APPL2: variants seen among roughly 807,000 people sequenced by gnomAD.
APPL2 encodes the protein adaptor protein, phosphotyrosine interacting with PH domain and leucine zipper 2, also known as DCC-interacting protein 13-beta.
Under a neutral mutation model 92.7 loss-of-function variants are expected in APPL2, and 84 were observed. That is an observed-to-expected ratio of 0.91 (90% CI 0.76 to 1.09). APPL2 has a LOEUF of 1.09. APPL2 is among the 50% of genes least tolerant of loss of function. APPL2 has a pLI of 0.00. For missense variants in APPL2, 736 were observed against 824.5 expected, an observed-to-expected ratio of 0.89 and a Z score of 1.31; for synonymous variants, 291 against 291.0, an observed-to-expected ratio of 1.00 and a Z score of 0.00.
rs1190156569 is a variant in APPL2, at chr12:105,207,971, C to T, written c.474G>A (p.Lys158=). The T allele has an allele frequency of 6.2e-7, 1 of 1,612,134 alleles. No homozygotes were observed. The highest frequency in any genetic ancestry group is 8.5e-7 in the Non-Finnish European group (1 of 1,178,226). The change falls in exon 7 of 21, where the codon AAG becomes AAA. Residue 158 remains lysine (K), a splice_region_variant and synonymous_variant. Transcript: ENST00000258530. The part of the protein sequence containing the change: ...SRLPKKKENE[K]VKTEVGKEVA... ...AAAACAACATGTAAAGTATTCTTAC[C>T]TTCTCATTCTCCTTTTTCTTAGGCA...
In APPL2 at chr12:105,217,255, C is replaced by T. The variant is rs570905659; in HGVS notation, c.214-115G>A. 16 of 659,640 alleles carry T rather than the reference C, an allele frequency of 2.4e-5. 1 individual carries two copies. The South Asian group carries it at 2.5e-4, about 10-fold the overall frequency. 40.9% of individuals were successfully genotyped at this position (659,640 alleles called of 1,614,324 possible). On this transcript the variant is annotated intron_variant, in intron 3 of 20. Transcript: ENST00000258530. Reference sequence around the variant, plus strand: ...CGACGTCCTTTCTTCTCCAAGAGCACGTCCTATCAGAAGTGTCTACCTGAA... The same window carrying T: ...CGACGTCCTTTCTTCTCCAAGAGCATGTCCTATCAGAAGTGTCTACCTGAA...
chr12:105,195,973 C>T (rs1431511998), intron 11 of APPL2, among the ~76,000 whole-genome samples: 6 of 150,878 alleles, frequency 4.0e-5, no homozygotes, highest in Admixed American at 6.6e-5. Flanking sequence ...GAGGATCGAT[C>T]GAGCCCAGGA....
chr12:105,211,075 C>T (rs1196759), intron 5 of APPL2, among the ~76,000 whole-genome samples, 155 bp downstream of exon 5: 151,416 of 152,324 alleles, frequency 0.99, 75,257 homozygotes, highest in East Asian at 1. Context: ...GCCGGGAACA[C>T]AGTGGGAAGT....
At chr12:105,188,601 A>G (rs1365818742) in intron 16 of APPL2, among the ~76,000 whole-genome samples, 154 bp from the exon 17 acceptor site, 1 of 152,176 alleles carries the variant, frequency 6.6e-6, no homozygotes, top group Non-Finnish European at 1.5e-5. Flanking sequence ...ATATTGCCAA[A>G]GCTCTGCGTC....
chr12:105,208,441 C>T (rs111520832), intron 5 of APPL2, among the ~76,000 whole-genome samples: 7 of 152,152 alleles, frequency 4.6e-5, no homozygotes, highest in African/African-American at 1.2e-4. Flanking sequence ...CTCCACATAG[C>T]GCTGAGGGTC....
chr12:105,203,455 T>C (rs1311312491), intron 9 of APPL2: 7 of 470,006 alleles, frequency 1.5e-5, no homozygotes, highest in African/African-American at 1.4e-4. Context: ...TAAGCTGGGT[T>C]CCCAGGCTTG....
At chr12:105,192,695 C>T (rs1887313609) in intron 14 of APPL2, among the ~76,000 whole-genome samples, 1 of 152,190 alleles carries the variant, frequency 6.6e-6, no homozygotes. Context: ...CCCTCCATGA[C>T]AGCACCTCAT....
At chr12:105,217,364 AT>A (rs1249281960) in intron 3 of APPL2, among the ~76,000 whole-genome samples, 1 of 152,110 alleles carries the variant, frequency 6.6e-6, no homozygotes, top group Non-Finnish European at 1.5e-5. Context: ...TGTCAAACAT[AT>A]TTTTTGACTT....
intron 17 of APPL2, among the ~76,000 whole-genome samples, chr12:105,186,674 G>GATATCGATATCATTATATCAT (rs1566056451): frequency 6.3e-5 from 3 of 47,448 alleles, no homozygotes; most frequent in African/African-American, 1.4e-4. Flanking sequence ...TCATATATAT[G>GATATCGATATCATTATATCAT]ATATATCATA....
At chr12:105,194,583 C>T (rs989379712) in intron 14 of APPL2, among the ~76,000 whole-genome samples, 11 of 151,858 alleles carry the variant, frequency 7.2e-5, no homozygotes, top group African/African-American at 9.7e-5. Flanking sequence ...CCCAGCTACT[C>T]GGGAGGCTGA....
chr12:105,221,624 G>A lies in APPL2; in HGVS notation c.154-3899C>T, dbSNP rs369017521. On this transcript the variant is annotated intron_variant, in intron 2 of 20. Transcript: ENST00000258530. ...TTCTAGTGGTAGAAGAGCAAAAGACGTGGGCTAAAGTGGGAATTCTCAATG... is the reference window on the plus strand; with the variant it reads ...TTCTAGTGGTAGAAGAGCAAAAGACATGGGCTAAAGTGGGAATTCTCAATG... 3.9e-5 allele frequency among the ~76,000 whole-genome samples: 6 copies of A among 152,228 alleles called. No homozygotes were observed. In the South Asian group the frequency reaches 1.0e-3, roughly 26 times the overall value.
chr12:105,234,384 C>T (rs916131442), intron 1 of APPL2, among the ~76,000 whole-genome samples: 1 of 152,200 alleles, frequency 6.6e-6, no homozygotes, highest in African/African-American at 2.4e-5. Context: ...CCTAAGTGAG[C>T]GTGAGAGCCA....
Position 105,174,342 on chromosome 12 carries a change from T to A in APPL2, c.1967A>T (p.Glu656Val), listed in dbSNP as rs141960372. 5.7e-5 allele frequency: 92 copies of A among 1,613,978 alleles called. No individual in the cohort carries two copies. In the African/African-American group the frequency reaches 9.2e-4, roughly 16 times the overall value. Residue 656 changes from glutamate (E) to valine (V), a missense_variant, in exon 21 of 21, where the codon GAA becomes GTA. By Grantham distance (121) the Glu-to-Val change is moderately radical (BLOSUM62 -2). Transcript: ENST00000258530. ...TGCTTCGGATTCTGCGCCTCTATGT[T>A]CGTTTGGATTTCCATCATCGTCATC... ...QPDDDDGNPNEHRGAESEA is the reference protein window; with the variant it reads ...QPDDDDGNPNVHRGAESEA
intron 14 of APPL2, among the ~76,000 whole-genome samples, chr12:105,192,284 G>C (rs958508283): frequency 6.6e-6 from 1 of 152,134 alleles, no homozygotes; most frequent in African/African-American, 2.4e-5. Context: ...CTCTTGGGCT[G>C]TTGGGACGCC....
At chr12:105,199,728 A>C (rs1887984830) in intron 9 of APPL2, among the ~76,000 whole-genome samples, 197 bp from the exon 10 acceptor site, 1 of 152,196 alleles carries the variant, frequency 6.6e-6, no homozygotes, top group Admixed American at 6.5e-5. Flanking sequence ...TTGCAGTAGT[A>C]AATGTGTTTA....
intron 10 of APPL2, 89 bp downstream of exon 10, chr12:105,199,280 CCTCT>C: frequency 6.9e-7 from 1 of 1,451,744 alleles, no homozygotes; most frequent in Non-Finnish European, 9.4e-7. Flanking sequence ...CACCCACCTC[CCTCT>C]GACTTTAATG....
At chr12:105,220,185 C>A (rs1206188208) in intron 2 of APPL2, among the ~76,000 whole-genome samples, 1 of 152,150 alleles carries the variant, frequency 6.6e-6, no homozygotes, top group African/African-American at 2.4e-5. Context: ...TACTGAGATC[C>A]CAAGTTCTAC....
intron 17 of APPL2, among the ~76,000 whole-genome samples, chr12:105,186,239 G>A (rs1459152930): frequency 2.6e-5 from 4 of 151,958 alleles, no homozygotes; most frequent in Admixed American, 6.6e-5. Flanking sequence ...TTACCAGGAT[G>A]AGCATCCCAA....
chr12:105,219,443 G>C (rs1378488657), intron 2 of APPL2, among the ~76,000 whole-genome samples: 1 of 152,164 alleles, frequency 6.6e-6, no homozygotes, highest in African/African-American at 2.4e-5. Context: ...GTGACTTCTA[G>C]CCACATAGTC....
Sources: allele counts gnomAD v4.1 joint callset (sites outside exome capture counted in the v4.1 genomes callset), GRCh38; gene constraint gnomAD v4.1.1; transcripts MANE v1.5; gene names NCBI Gene and HGNC (gene_info 2026-07-23, HGNC 2026-07-21).